The following C6 variants were observed in gnomAD, a reference collection of about 807,000 sequenced individuals.
The protein encoded by C6 is complement C6, also known as complement component C6.
In C6, 101 loss-of-function variants were observed where a neutral mutation model predicts 112.9. The observed-to-expected ratio is 0.89, with a 90% CI of 0.76 to 1.06. C6 has a LOEUF of 1.06. Ranked by LOEUF, C6 falls within the 50% of genes least tolerant of loss-of-function variation. The pLI is 0.00. For missense variants in C6, 1,202 were observed against 1,104.6 expected (o/e 1.09, Z -1.25); for synonymous variants, 431 against 384.1 (o/e 1.12, Z -1.43).
intron 2 of C6, 150 bp downstream of exon 2, chr5:41,202,938 A>AAG (rs1053183750): frequency 1.2e-6 from 1 of 813,450 alleles, no homozygotes; most frequent in Non-Finnish European, 2.1e-6. Context: ...TCAACCTCAT[A>AAG]AGAGAGAGAC....
At chr5:41,182,853 G>C (rs1054246888) in intron 6 of C6, among the ~76,000 whole-genome samples, 1 of 152,188 alleles carries the variant, frequency 6.6e-6, no homozygotes, top group Non-Finnish European at 1.5e-5. Context: ...CTATGGCAGA[G>C]TTAAAGATTA....
At chr5:41,222,319 C>A (rs1000783502) in intron 1 of C6, among the ~76,000 whole-genome samples, 3 of 151,820 alleles carry the variant, frequency 2.0e-5, no homozygotes, top group Non-Finnish European at 4.4e-5. Flanking sequence ...TTGCAATAAT[C>A]ATGCAGTTAC....
chr5:41,156,063 T>C lies in C6; in HGVS notation c.1969-959A>G, dbSNP rs185685379. Reference sequence around the variant, plus strand: ...ATTCACTACAATTTTCAAGGTAAAGTGGGTCTTAGACTTCTTAGTTTGGAA... The same window carrying C: ...ATTCACTACAATTTTCAAGGTAAAGCGGGTCTTAGACTTCTTAGTTTGGAA... On this transcript the variant is annotated intron_variant, in intron 13 of 17. Transcript: ENST00000337836. Among the ~76,000 whole-genome samples the C allele has an allele frequency of 3.6e-3, 550 of 152,198 alleles. 5 individuals are homozygous for C. The highest frequency in any genetic ancestry group is 0.013 in the African/African-American group (531 of 41,536).
At chr5:41,145,309 T>A (rs950731035) in intron 17 of C6, among the ~76,000 whole-genome samples, 1 of 152,194 alleles carries the variant, frequency 6.6e-6, no homozygotes, top group African/African-American at 2.4e-5. Context: ...TTTTCATATG[T>A]CTTTTCCCCA....
chr5:41,195,813 C>T lies in C6; in HGVS notation c.566G>A (p.Ser189Asn), dbSNP rs775903405. Residue 189 changes from serine to asparagine, a missense_variant, in exon 5 of 18, where the codon AGT becomes AAT. Ser to Asn is a conservative substitution (Grantham distance 46). Coordinates refer to ENST00000337836, the MANE Select transcript of C6 (RefSeq NM_000065.5). Reference protein sequence around the residue: ...VCTRKYNPIPSVQLMGNGFHF... With the variant: ...VCTRKYNPIPNVQLMGNGFHF... ...ATACCCATTGCCCATCAACTGTACA[C>T]TAGGGATGGGATTATACTTCCGTGT... 3.1e-6 allele frequency: 5 copies of T among 1,613,804 alleles called. No individual in the cohort carries two copies. The highest frequency in any genetic ancestry group is 3.3e-5 in the Admixed American group (2 of 59,974).
At chr5:41,260,994 C>T (rs1473431530) in intron 1 of C6, among the ~76,000 whole-genome samples, 1 of 152,110 alleles carries the variant, frequency 6.6e-6, no homozygotes, top group East Asian at 1.9e-4. Flanking sequence ...CCATTGACTT[C>T]ACAAAGACAT....
Position 41,181,464 on chromosome 5 carries a change from C to G in C6, c.822G>C (p.Gln274His), listed in dbSNP as rs150318194. 4 of 1,613,794 alleles carry G rather than the reference C, an allele frequency of 2.5e-6. No individual in the cohort carries two copies. Among genetic ancestry groups the G allele is most frequent in the South Asian group, 1.1e-5 (1 of 91,078 alleles). ...NENQQGSFSS[Q>H]GGSSFSVPIF... is the part of the protein sequence containing the mutation. ...TTGGTACACTGAAAGAGCTCCCCCCCTGACTTGAGAATGAGCCTTGTTGAT... is the reference window on the plus strand; with the variant it reads ...TTGGTACACTGAAAGAGCTCCCCCCGTGACTTGAGAATGAGCCTTGTTGAT... The change falls in exon 7 of 18, where the codon CAG becomes CAC. Residue 274 changes from glutamine to histidine, a missense_variant. Gln to His is a conservative substitution (Grantham distance 24). Transcript: ENST00000337836.
Position 41,181,391 on chromosome 5 carries a change from AG to A in C6, c.894del (p.Phe299SerfsTer21), listed in dbSNP as rs772825212. On this transcript the variant is annotated frameshift_variant, in exon 7 of 18. Transcript: ENST00000337836. LOFTEE classifies it high-confidence loss of function. ...KRSENINHNS[A>X]FKQAIQASHK... ...TGAGAGGCTTGAATGGCTTGTTTGA[AG>A]GCAGAATTATGGTTGATATTTTCAC... 7 of 1,613,648 alleles carry A rather than the reference AG, an allele frequency of 4.3e-6. No homozygotes were observed. The highest frequency in any genetic ancestry group is 5.9e-6 in the Non-Finnish European group (7 of 1,179,802).
Position 41,159,108 on chromosome 5 carries a change from G to C in C6, c.1830C>G (p.Asp610Glu). The C allele has an allele frequency of 6.2e-7, 1 of 1,613,704 alleles. No homozygotes were observed. Among genetic ancestry groups the C allele is most frequent in the Non-Finnish European group, 8.5e-7 (1 of 1,179,732 alleles). ...TGTTTTCCATGATTGAAAATGTGCAGTCTTCCTCTTGTCGCTTCTCCCCCT... is the reference window on the plus strand; with the variant it reads ...TGTTTTCCATGATTGAAAATGTGCACTCTTCCTCTTGTCGCTTCTCCCCCT... ...RCEGEKRQEE[D>E]CTFSIMENNG... Residue 610 changes from aspartate (D) to glutamate (E), a missense_variant, in exon 12 of 18, where the codon GAC becomes GAG. By Grantham distance (45) the Asp-to-Glu change is conservative. Transcript: ENST00000337836.
At chr5:41,195,137 C>A (rs963524111) in intron 5 of C6, among the ~76,000 whole-genome samples, 4 of 152,186 alleles carry the variant, frequency 2.6e-5, no homozygotes, top group Admixed American at 1.3e-4. Flanking sequence ...GCTCTGCTGA[C>A]CTACCCACAC....
rs574018465 is a variant in C6 at position 41,225,902 on chromosome 5, T to A, written c.-20-22652A>T. On this transcript the variant is annotated intron_variant, in intron 1 of 17. Coordinates refer to the C6 transcript ENST00000263413. ...GCTGGGAAAACTGACTAGCCATATG[T>A]AGAAAGCTGAAAGTGGATCCCTTCC... is the stretch of plus-strand genomic sequence containing the variant. Among the ~76,000 whole-genome samples the A allele has an allele frequency of 9.2e-5, 14 of 152,288 alleles. No homozygotes were observed. The East Asian group carries it at 1.7e-3, about 19-fold the overall frequency.
In C6 at chr5:41,213,427, A is replaced by G. The variant is rs1205087654; in HGVS notation, c.-72T>C. 5 of 985,150 alleles carry G rather than the reference A, an allele frequency of 5.1e-6. No homozygotes were observed. Among genetic ancestry groups the G allele is most frequent in the East Asian group, 1.1e-4 (1 of 8,822 alleles). 61.0% of individuals were successfully genotyped at this position (985,150 alleles called of 1,614,324 possible). ...GGACCTAAGCTGCAAATTATTGGGG[A>G]AAAAATAGGTATGCAGAATGAAGAG... On this transcript the variant is annotated 5_prime_UTR_variant, in exon 1 of 18. Transcript: ENST00000337836.
chr5:41,239,059 G>A (rs1375514231), intron 1 of C6, among the ~76,000 whole-genome samples: 1 of 150,136 alleles, frequency 6.7e-6, no homozygotes, highest in Non-Finnish European at 1.5e-5. Flanking sequence ...TCAAGTCAGG[G>A]TATTTTGGGT....
At position 41,160,134 on chromosome 5, in the gene C6, A is replaced by G; in HGVS notation, c.1684+8T>C. The G allele has an allele frequency of 2.5e-6, 4 of 1,598,382 alleles. No individual in the cohort carries two copies. Among genetic ancestry groups the G allele is most frequent in the Non-Finnish European group, 1.7e-6 (2 of 1,165,818 alleles). On this transcript the variant is annotated splice_region_variant and intron_variant, in intron 11 of 17. Transcript: ENST00000337836. Reference sequence around the variant, plus strand: ...TTATCTACCTCACAATAGATTCCTGATACTTACTGGATTTATAATCTGGAG... The same window carrying G: ...TTATCTACCTCACAATAGATTCCTGGTACTTACTGGATTTATAATCTGGAG...
At chr5:41,245,617 G>A (rs906791809) in intron 1 of C6, among the ~76,000 whole-genome samples, 1 of 152,068 alleles carries the variant, frequency 6.6e-6, no homozygotes, top group Non-Finnish European at 1.5e-5. Flanking sequence ...AATTTGCAAA[G>A]TGGCTTTCAA....
intron 13 of C6, among the ~76,000 whole-genome samples, chr5:41,156,791 T>C (rs1311799376): frequency 1.3e-5 from 2 of 152,216 alleles, no homozygotes; most frequent in Admixed American, 1.3e-4. Flanking sequence ...AGGCTGCACA[T>C]TTTTTCTTGC....
At position 41,174,829 on chromosome 5, in the gene C6, G is replaced by A. The variant is rs193210620; in HGVS notation, c.1168+1646C>T. ...CATGTTATGATGAGGTAAAGGGAGA[G>A]AGAATAGGAGGAGAGAAAAGGGAAG... On this transcript the variant is annotated intron_variant, in intron 8 of 17. Coordinates refer to ENST00000337836, the MANE Select transcript of C6 (RefSeq NM_000065.5). Among the ~76,000 whole-genome samples the A allele has an allele frequency of 2.4e-3, 371 of 152,260 alleles. 2 individuals are homozygous for A. Among genetic ancestry groups the A allele is most frequent in the Non-Finnish European group, 4.2e-3 (284 of 68,014 alleles).
chr5:41,214,602 G>A (rs1326293283), upstream of C6, among the ~76,000 whole-genome samples: 1 of 152,082 alleles, frequency 6.6e-6, no homozygotes, highest in Non-Finnish European at 1.5e-5. Context: ...GCTAGTTTGG[G>A]GCTGGGATAG....
At chr5:41,243,079 T>C (rs1310831735) in intron 1 of C6, among the ~76,000 whole-genome samples, 2 of 152,132 alleles carry the variant, frequency 1.3e-5, no homozygotes, top group Non-Finnish European at 2.9e-5. Flanking sequence ...AGTTCTATTG[T>C]ACAGCTTGGT....
Sources: allele counts gnomAD v4.1 joint callset (sites outside exome capture counted in the v4.1 genomes callset), GRCh38; gene constraint gnomAD v4.1.1; transcripts MANE v1.5; gene names NCBI Gene and HGNC (gene_info 2026-07-23, HGNC 2026-07-21).